GABPB2: variants seen among roughly 807,000 people sequenced by gnomAD.
GABPB2 encodes GA-binding protein subunit beta-2.
A neutral mutation model predicts 39.1 loss-of-function variants in GABPB2; 23 were observed. The ratio of observed to expected loss-of-function variants is 0.59; its 90% confidence interval spans 0.42 to 0.83. The LOEUF (loss-of-function observed/expected upper bound fraction) is 0.83, where lower values mean the gene tolerates loss of function less well. Ranked by LOEUF, GABPB2 falls within the 40% of genes least tolerant of loss-of-function variation. GABPB2 has a pLI of 0.00. For synonymous variants in GABPB2, 184 were observed against 199.3 expected (o/e 0.92, Z 0.65); for missense variants, 467 against 541.1 (o/e 0.86, Z 1.36).
Position 151,090,376 on chromosome 1 carries a change from G to A in GABPB2, c.109-30G>A, listed in dbSNP as rs762554596. The A allele has an allele frequency of 4.4e-6, 7 of 1,603,712 alleles. No homozygotes were observed. The South Asian group carries it at 5.5e-5, about 13-fold the overall frequency. On this transcript the variant is annotated intron_variant, in intron 2 of 8. Transcript: ENST00000368918. The stretch of plus-strand genomic sequence containing the variant: ...AACGATCTAGGACTCTGCACACAGT[G>A]GATATTCAATGAGCATTATTTTTCC...
chr1:151,082,392 CTTTTTTTTTTTTTTTTT>C, intron 1 of GABPB2, among the ~76,000 whole-genome samples: 1 of 48,012 alleles, frequency 2.1e-5, no homozygotes, highest in East Asian at 7.6e-4. Flanking sequence ...GTGGTAATTT[CTTTTTTTTTTTTTTTTT>C]TTTTTTTTTT....
Position 151,087,091 on chromosome 1 carries a change from G to A in GABPB2, c.1-1099G>A, listed in dbSNP as rs1678268811. 2.6e-5 allele frequency among the ~76,000 whole-genome samples: 4 copies of A among 152,042 alleles called. No homozygotes were observed. The South Asian group carries it at 8.3e-4, about 32-fold the overall frequency. On this transcript the variant is annotated intron_variant, in intron 1 of 8. Transcript: ENST00000368918. Reference sequence around the variant, plus strand: ...GCTGGTCTCAAACTCCTGACCTCAGGTGATCTGCCTGCCTTGGCCTCCCAA... The same window carrying A: ...GCTGGTCTCAAACTCCTGACCTCAGATGATCTGCCTGCCTTGGCCTCCCAA...
At chr1:151,108,297 G>A (rs1157181367) in intron 7 of GABPB2, among the ~76,000 whole-genome samples, 2 of 152,142 alleles carry the variant, frequency 1.3e-5, no homozygotes, top group Non-Finnish European at 2.9e-5. Context: ...AGCCTCCTGA[G>A]TAGCTGGGAC....
At chr1:151,100,799 G>T (rs1406166002) in intron 5 of GABPB2, among the ~76,000 whole-genome samples, 1 of 151,158 alleles carries the variant, frequency 6.6e-6, no homozygotes, top group Non-Finnish European at 1.5e-5. Flanking sequence ...TGTTGGCCAG[G>T]CTGGTTTCAA....
chr1:151,088,379 G>A, intron 2 of GABPB2, 82 bp downstream of exon 2: 2 of 1,328,792 alleles, frequency 1.5e-6, no homozygotes, highest in Non-Finnish European at 2.1e-6. Context: ...CAGACTATTG[G>A]TTTTTCTTCA....
chr1:151,112,495 C>G (rs1680531208), intron 7 of GABPB2: 1 of 151,808 alleles, frequency 6.6e-6, no homozygotes, highest in African/African-American at 2.4e-5. Context: ...GCGTTTCCCA[C>G]CATGCCCGGC....
At chr1:151,090,267 A>T in intron 2 of GABPB2, 139 bp from the exon 3 acceptor site, 1 of 777,750 alleles carries the variant, frequency 1.3e-6, no homozygotes, top group Non-Finnish European at 2.0e-6. Context: ...TTGTAAATTT[A>T]AGCATTTTTT....
intron 1 of GABPB2, among the ~76,000 whole-genome samples, chr1:151,087,727 C>G (rs1228447744): frequency 6.6e-6 from 1 of 152,106 alleles, no homozygotes; most frequent in East Asian, 1.9e-4. Context: ...CTACAAACCT[C>G]CAGAGAGAGC....
intron 1 of GABPB2, among the ~76,000 whole-genome samples, chr1:151,081,760 G>A (rs1399808795): frequency 3.3e-5 from 5 of 151,382 alleles, no homozygotes; most frequent in African/African-American, 9.7e-5. Context: ...TCAGCCTCCC[G>A]AGTAGCTGAG....
intron 5 of GABPB2, among the ~76,000 whole-genome samples, chr1:151,103,184 G>T (rs1357157156): frequency 2.7e-4 from 41 of 151,280 alleles, no homozygotes; most frequent in Non-Finnish European, 2.9e-5. Flanking sequence ...CAAGTGGCTG[G>T]GACTACAGGC....
chr1:151,093,566 TTG>T lies in GABPB2; in HGVS notation c.471+186_471+187del, dbSNP rs978460384. Among the ~76,000 whole-genome samples, 79 of 151,164 alleles carry T rather than the reference TTG, an allele frequency of 5.2e-4. 1 individual carries two copies. The highest frequency in any genetic ancestry group is 6.9e-3 in the Middle Eastern group (2 of 290). ...ATACAGCTATGTATAGAATATATAT[TTG>T]TGTGTATATATGTATACGCATATAT... On this transcript the variant is annotated intron_variant, in intron 4 of 8. Coordinates refer to ENST00000368918, the MANE Select transcript of GABPB2 (RefSeq NM_144618.3).
At chr1:151,109,364 A>ATATATATATAT (rs779537595) in intron 7 of GABPB2, among the ~76,000 whole-genome samples, 4 of 112,392 alleles carry the variant, frequency 3.6e-5, no homozygotes, top group African/African-American at 1.0e-4. Flanking sequence ...ATATATATAT[A>ATATATATATAT]TTTTTTTTTT....
rs748202704 is a variant in GABPB2 at position 151,099,098 on chromosome 1, A to G, written c.622+1096A>G. Among the ~76,000 whole-genome samples, 133 of 151,844 alleles carry G rather than the reference A, an allele frequency of 8.8e-4. 3 individuals are homozygous for G. The highest frequency in any genetic ancestry group is 3.1e-4 in the Non-Finnish European group (21 of 67,920). On this transcript the variant is annotated intron_variant, in intron 5 of 8. Coordinates refer to ENST00000368918, the MANE Select transcript of GABPB2 (RefSeq NM_144618.3). ...AAACTTCATCTCAAAAAAAAAAAAA[A>G]AAAGAAAGAAAGAAACCTGCATGTT...
chr1:151,107,141 C>T lies in GABPB2; in HGVS notation c.841C>T (p.Pro281Ser), dbSNP rs1433148865. 2.5e-6 allele frequency: 4 copies of T among 1,612,876 alleles called. No individual in the cohort carries two copies. In the African/African-American group the frequency reaches 4.0e-5, roughly 16 times the overall value. The change falls in exon 7 of 9, where the codon CCT (proline) becomes TCT (serine). Residue 281 changes from proline to serine, a missense_variant. Physicochemically the swap from Pro to Ser is moderately conservative, Grantham distance 74 (BLOSUM62 -1). Coordinates refer to ENST00000368918, the MANE Select transcript of GABPB2 (RefSeq NM_144618.3). ...CATCACCATAGTGACTGATGGAGTC[C>T]CTCTGGGTAATATCCAAACTTCAAT... is the stretch of plus-strand genomic sequence containing the variant. ...RVITIVTDGV[P>S]LGNIQTSIPT...
intron 4 of GABPB2, among the ~76,000 whole-genome samples, chr1:151,096,294 C>T (rs1236591591): frequency 6.6e-6 from 1 of 151,812 alleles, no homozygotes; most frequent in Non-Finnish European, 1.5e-5. Context: ...GGCATGGCAG[C>T]GTGCGCCTAT....
rs12089598 is a variant in GABPB2 at position 151,079,371 on chromosome 1, G to A, written c.-1+8437G>A. Among the ~76,000 whole-genome samples, 1,152 of 151,630 alleles carry A rather than the reference G, an allele frequency of 7.6e-3. 12 individuals carry two copies. Among genetic ancestry groups the A allele is most frequent in the African/African-American group, 0.024 (998 of 41,360 alleles). ...GCCTGGCCTAACCTGGTGAAACACT[G>A]CCTCTACTAAAAATGCATAAATTAG... On this transcript the variant is annotated intron_variant, in intron 1 of 8. Coordinates refer to ENST00000368918, the MANE Select transcript of GABPB2 (RefSeq NM_144618.3).
chr1:151,095,036 T>C (rs1239631646), intron 4 of GABPB2, among the ~76,000 whole-genome samples: 1 of 148,194 alleles, frequency 6.7e-6, no homozygotes, highest in African/African-American at 2.5e-5. Flanking sequence ...TAATAGGACA[T>C]GAAGTGTTGA....
chr1:151,083,315 T>C (rs1677879987), intron 1 of GABPB2, among the ~76,000 whole-genome samples: 1 of 152,198 alleles, frequency 6.6e-6, no homozygotes, highest in African/African-American at 2.4e-5. Flanking sequence ...AAAGCTCAAA[T>C]TGTAATTGAT....
chr1:151,076,641 G>C (rs1253282456), intron 1 of GABPB2, among the ~76,000 whole-genome samples: 1 of 151,800 alleles, frequency 6.6e-6, no homozygotes, highest in Non-Finnish European at 1.5e-5. Context: ...TGTTGGCCAG[G>C]CTGGTCTCGA....
Sources: gnomAD v4.1 joint callset for allele counts (sites outside exome capture counted in the v4.1 genomes callset) on GRCh38, gnomAD v4.1.1 for gene constraint, MANE v1.5 for transcripts, NCBI Gene and HGNC (gene_info 2026-07-23, HGNC 2026-07-21) for gene names.